Variants in CPNE2 observed in about 807,000 individuals in gnomAD.
CPNE2 encodes the protein copine-2.
A neutral mutation model predicts 69.7 loss-of-function variants in CPNE2; 42 were observed. The observed-to-expected ratio is 0.60, with a 90% CI of 0.47 to 0.78. The LOEUF is 0.78. CPNE2 is among the 30% of genes least tolerant of loss of function. CPNE2 has a pLI of 0.00. For synonymous variants in CPNE2, 294 were observed against 289.8 expected (o/e 1.01, Z -0.15); for missense variants, 587 against 732.0 (o/e 0.80, Z 2.29).
rs1035177015 is a variant in CPNE2 at position 57,134,366 on chromosome 16, C to G, written c.1117-409C>G. On this transcript the variant is annotated intron_variant, in intron 12 of 15. Transcript: ENST00000290776. ...TGCTTACTGTTAAGGTAGGAAAAGC[C>G]TCTGAAGCCCAGAGAAGCGGTGCTC... Among the ~76,000 whole-genome samples, 3 of 152,218 alleles carry G rather than the reference C, an allele frequency of 2.0e-5. No individual in the cohort carries two copies. The South Asian group carries it at 6.2e-4, about 31-fold the overall frequency.
chr16:57,141,691 G>A (rs1191233291), intron 14 of CPNE2: 1 of 152,212 alleles, frequency 6.6e-6, no homozygotes, highest in African/African-American at 2.4e-5. Context: ...ACCGAGAGCA[G>A]GTAGCTTAAA....
At chr16:57,093,930 A>G (rs1173604110) in intron 1 of CPNE2, 1 of 407,408 alleles carries the variant, frequency 2.5e-6, no homozygotes, top group Non-Finnish European at 4.9e-6. Flanking sequence ...CTGGGTCTGA[A>G]CCCCACCTAT....
Position 57,121,733 on chromosome 16 carries a change from G to C in CPNE2, c.840G>C (p.Ser280=), listed in dbSNP as rs759948453. Residue 280 remains serine (S), a synonymous_variant, in exon 9 of 16, where the codon TCG becomes TCC. Transcript: ENST00000290776. ...GGAAGAAGAAGAACTATAAAAACTC[G>C]GGCATCATCATCCTGCGATCCTGCA... is the stretch of plus-strand genomic sequence containing the variant. The part of the protein sequence containing the change: ...KQRKKKNYKN[S]GIIILRSCKI... The C allele has an allele frequency of 3.7e-6, 6 of 1,614,034 alleles. No individual in the cohort carries two copies. The highest frequency in any genetic ancestry group is 5.1e-6 in the Non-Finnish European group (6 of 1,180,042).
chr16:57,094,651 G>A (rs1450099966), intron 1 of CPNE2, among the ~76,000 whole-genome samples: 3 of 152,190 alleles, frequency 2.0e-5, no homozygotes, highest in Non-Finnish European at 4.4e-5. Flanking sequence ...TACGTGGTGA[G>A]TGCCTGGTTA....
At chr16:57,121,220 A>G in intron 8 of CPNE2, 29 bp downstream of exon 8, 1 of 1,590,354 alleles carries the variant, frequency 6.3e-7, no homozygotes, top group Non-Finnish European at 8.6e-7. Flanking sequence ...CTGTAACCCC[A>G]AGACCTCAGC....
intron 1 of CPNE2, among the ~76,000 whole-genome samples, chr16:57,099,511 G>T (rs1446955263): frequency 6.6e-6 from 1 of 150,690 alleles, no homozygotes; most frequent in Non-Finnish European, 1.5e-5. Flanking sequence ...CTGGCAACCT[G>T]TGTGTGTTCC....
chr16:57,113,895 CG>C (rs2069698620), intron 3 of CPNE2, among the ~76,000 whole-genome samples: 1 of 152,232 alleles, frequency 6.6e-6, no homozygotes, highest in Admixed American at 6.5e-5. Flanking sequence ...CGGGAGCAAG[CG>C]GGGCTAGGCG....
chr16:57,100,264 G>A (rs1311431495), intron 1 of CPNE2, among the ~76,000 whole-genome samples: 2 of 152,192 alleles, frequency 1.3e-5, no homozygotes, highest in East Asian at 3.8e-4. Flanking sequence ...GAAGGGGGAA[G>A]GGCATTCCAG....
At chr16:57,109,074 C>T (rs1180237608) in intron 1 of CPNE2, among the ~76,000 whole-genome samples, 1 of 152,140 alleles carries the variant, frequency 6.6e-6, no homozygotes, top group Non-Finnish European at 1.5e-5. Context: ...TTTAATGTTA[C>T]TGTTACAGGA....
At chr16:57,142,407 T>C (rs1332487691) in intron 14 of CPNE2, 5 of 151,410 alleles carry the variant, frequency 3.3e-5, no homozygotes, top group Admixed American at 3.3e-4. Flanking sequence ...GGCCTGGAGG[T>C]TTGGTGTGTG....
chr16:57,137,033 T>C, intron 13 of CPNE2, 116 bp from the exon 14 acceptor site: 1 of 1,443,098 alleles, frequency 6.9e-7, no homozygotes, highest in Non-Finnish European at 9.3e-7. Context: ...AGGCCTATGC[T>C]AGCCATGGCA....
chr16:57,124,317 A>C, intron 10 of CPNE2: 1 of 442,078 alleles, frequency 2.3e-6, no homozygotes, highest in South Asian at 1.6e-5. Flanking sequence ...CCTGGGCTCA[A>C]GCGATCTGCC....
At chr16:57,123,547 G>A (rs938671303) in intron 10 of CPNE2, 74 bp downstream of exon 10, 5 of 1,500,618 alleles carry the variant, frequency 3.3e-6, no homozygotes, top group Non-Finnish European at 4.6e-6. Context: ...TGGGCCACTA[G>A]TGCAGCCAGA....
chr16:57,094,054 G>A (rs1567663104), intron 1 of CPNE2: 1 of 456,730 alleles, frequency 2.2e-6, no homozygotes, highest in Non-Finnish European at 4.4e-6. Context: ...ACAGCATGAA[G>A]GCGTGGTTTT....
At chr16:57,101,908 T>C (rs1450811244) in intron 1 of CPNE2, among the ~76,000 whole-genome samples, 1 of 151,950 alleles carries the variant, frequency 6.6e-6, no homozygotes, top group Non-Finnish European at 1.5e-5. Context: ...GGCCTTCTGC[T>C]AGAGCAGGTC....
At chr16:57,129,974 G>A (rs1041729221) in intron 12 of CPNE2, among the ~76,000 whole-genome samples, 15 of 152,324 alleles carry the variant, frequency 9.8e-5, no homozygotes, top group African/African-American at 3.4e-4. Context: ...ATGAGGCGGG[G>A]TGCAGTGGCT....
chr16:57,117,749 C>G (rs2069730495), intron 5 of CPNE2, among the ~76,000 whole-genome samples, 182 bp downstream of exon 5: 1 of 152,178 alleles, frequency 6.6e-6, no homozygotes, highest in Non-Finnish European at 1.5e-5. Flanking sequence ...AGTGAGTGTT[C>G]CATCCCTTAG....
chr16:57,117,589 C>G, intron 5 of CPNE2, 22 bp downstream of exon 5: 1 of 1,611,452 alleles, frequency 6.2e-7, no homozygotes, highest in Non-Finnish European at 8.5e-7. Flanking sequence ...AGAGGAAGGG[C>G]TCCCATTGGG....
intron 12 of CPNE2, among the ~76,000 whole-genome samples, chr16:57,131,998 G>A (rs2145271639): frequency 6.6e-6 from 1 of 152,326 alleles, no homozygotes; most frequent in African/African-American, 2.4e-5. Flanking sequence ...CCTGGGGAAG[G>A]CACTGGGTTT....
Sources: gnomAD v4.1 joint callset for allele counts (sites outside exome capture counted in the v4.1 genomes callset) on GRCh38, gnomAD v4.1.1 for gene constraint, MANE v1.5 for transcripts, NCBI Gene and HGNC (gene_info 2026-07-23, HGNC 2026-07-21) for gene names.